PRRX2: variants seen among roughly 807,000 people sequenced by gnomAD.
The protein encoded by PRRX2 is paired related homeobox 2, also known as paired mesoderm homeobox protein 2.
A neutral mutation model predicts 18.0 loss-of-function variants in PRRX2; 11 were observed. The observed-to-expected ratio is 0.61, with a 90% confidence interval of 0.39 to 1.01. The LOEUF is 1.01. Among genes scored for constraint, PRRX2 ranks in the 50% least tolerant of loss-of-function variants. PRRX2 has a pLI of 0.01. For synonymous variants in PRRX2, 177 were observed against 154.8 expected, an observed-to-expected ratio of 1.14 and a Z score of -1.06; for missense variants, 387 against 351.0, an observed-to-expected ratio of 1.10 and a Z score of -0.82.
At chr9:129,696,236 G>A (rs1167243848) in intron 1 of PRRX2, among the ~76,000 whole-genome samples, 2 of 152,036 alleles carry the variant, frequency 1.3e-5, no homozygotes, top group African/African-American at 4.8e-5. Context: ...TTTTCAAAAC[G>A]AAAACAAGCC....
intron 1 of PRRX2, among the ~76,000 whole-genome samples, chr9:129,707,860 A>G (rs938027822): frequency 1.3e-5 from 2 of 151,776 alleles, no homozygotes; most frequent in African/African-American, 4.8e-5. Context: ...CACATGTTTC[A>G]TTTCTCCTGC....
At chr9:129,700,593 G>T (rs540255140) in intron 1 of PRRX2, among the ~76,000 whole-genome samples, 5 of 151,578 alleles carry the variant, frequency 3.3e-5, no homozygotes, top group Non-Finnish European at 7.4e-5. Context: ...GCCTCCCAAA[G>T]TGCTGGGATT....
chr9:129,678,207 G>A (rs113620474), intron 1 of PRRX2, among the ~76,000 whole-genome samples: 27 of 151,988 alleles, frequency 1.8e-4, no homozygotes, highest in Middle Eastern at 3.2e-3. Flanking sequence ...CAGGTGATCC[G>A]CCTGCCTCGA....
intron 1 of PRRX2, among the ~76,000 whole-genome samples, chr9:129,710,863 T>C (rs1832609639): frequency 6.6e-6 from 1 of 151,986 alleles, no homozygotes; most frequent in Non-Finnish European, 1.5e-5. Flanking sequence ...CCAGGGACCA[T>C]GTTTCTTCTC....
intron 1 of PRRX2, among the ~76,000 whole-genome samples, chr9:129,684,573 G>A (rs1322718550): frequency 1.3e-5 from 2 of 149,702 alleles, no homozygotes; most frequent in Admixed American, 1.3e-4. Flanking sequence ...AAAAAGTCTC[G>A]CTGTGCCATG....
chr9:129,695,388 C>T lies in PRRX2; in HGVS notation c.260-23843C>T, dbSNP rs73670177. Among the ~76,000 whole-genome samples, 233 of 152,350 alleles carry T rather than the reference C, an allele frequency of 1.5e-3. No homozygotes were observed. The highest frequency in any genetic ancestry group is 5.3e-3 in the African/African-American group (220 of 41,584). ...ACTGTCTTTTCAAAGAGAGAGGCTGCGGAAATGGCAGATGCTTGAAGAATC... is the reference window on the plus strand; with the variant it reads ...ACTGTCTTTTCAAAGAGAGAGGCTGTGGAAATGGCAGATGCTTGAAGAATC... On this transcript the variant is annotated intron_variant, in intron 1 of 3. Transcript: ENST00000372469. This position sits in a 1 kb window ranked among gnomAD's most constrained non-coding sequence, Gnocchi z 4.8.
At chr9:129,721,756 T>C (rs550860433) in intron 3 of PRRX2, among the ~76,000 whole-genome samples, 1 of 152,268 alleles carries the variant, frequency 6.6e-6, no homozygotes, top group South Asian at 2.1e-4. Context: ...ATTGTTTGTA[T>C]TTTTAGTAGA....
intron 1 of PRRX2, among the ~76,000 whole-genome samples, chr9:129,702,613 G>C (rs542045004): frequency 6.6e-6 from 1 of 152,302 alleles, no homozygotes; most frequent in African/African-American, 2.4e-5. Context: ...CACGTTGGAC[G>C]GTACAGAGCT....
intron 1 of PRRX2, among the ~76,000 whole-genome samples, chr9:129,716,694 A>T (rs1179088682): frequency 1.3e-5 from 2 of 152,034 alleles, no homozygotes; most frequent in Admixed American, 6.6e-5. Context: ...ACCTCAGGTG[A>T]TCCACCTGCC....
At chr9:129,683,701 C>T (rs1459622297) in intron 1 of PRRX2, among the ~76,000 whole-genome samples, 1 of 151,958 alleles carries the variant, frequency 6.6e-6, no homozygotes, top group Non-Finnish European at 1.5e-5. Flanking sequence ...CGCCACTGCA[C>T]TCCAGCATGG....
intron 1 of PRRX2, among the ~76,000 whole-genome samples, chr9:129,669,127 G>A (rs1029018245): frequency 2.0e-5 from 3 of 150,938 alleles, no homozygotes; most frequent in Non-Finnish European, 4.4e-5. Context: ...GAATTAATAC[G>A]TCTTCAATCT....
intron 1 of PRRX2, among the ~76,000 whole-genome samples, chr9:129,716,141 C>G (rs1266989318): frequency 1.3e-5 from 2 of 152,158 alleles, no homozygotes; most frequent in East Asian, 3.8e-4. Flanking sequence ...GGAATTTGGC[C>G]ACATCTAGCA....
rs903680872 is a variant in PRRX2 at position 129,697,489 on chromosome 9, A to C, written c.260-21742A>C. ...GGCAGGCGCCAGGGGCTCGTCTGGA[A>C]CCAGATGTGCCGCGGCGCCGCTCTG... On this transcript the variant is annotated intron_variant, in intron 1 of 3. Coordinates refer to ENST00000372469, the MANE Select transcript of PRRX2 (RefSeq NM_016307.4). Among the ~76,000 whole-genome samples the C allele has an allele frequency of 6.6e-5, 10 of 150,998 alleles. No homozygotes were observed. The East Asian group carries it at 2.0e-3, about 29-fold the overall frequency.
chr9:129,696,302 C>T (rs1365646876), intron 1 of PRRX2, among the ~76,000 whole-genome samples: 1 of 152,106 alleles, frequency 6.6e-6, no homozygotes, highest in African/African-American at 2.4e-5. Flanking sequence ...TGGCTGGGCA[C>T]GGTGGCTCAC....
At chr9:129,686,349 CTTTTG>C (rs1284818919) in intron 1 of PRRX2, among the ~76,000 whole-genome samples, 1 of 152,126 alleles carries the variant, frequency 6.6e-6, no homozygotes, top group Non-Finnish European at 1.5e-5. Context: ...GACCTCCTTA[CTTTTG>C]TTTTGTTTTT....
At chr9:129,710,138 T>C (rs1039824326) in intron 1 of PRRX2, among the ~76,000 whole-genome samples, 1 of 151,996 alleles carries the variant, frequency 6.6e-6, no homozygotes, top group Non-Finnish European at 1.5e-5. Flanking sequence ...GACCTGAAAG[T>C]GAGCAAGAGA....
Position 129,699,439 on chromosome 9 carries a change from ATGTGTGTGTGTGTG to A in PRRX2, c.260-19772_260-19759del, listed in dbSNP as rs3138854. On this transcript the variant is annotated intron_variant, in intron 1 of 3. Transcript: ENST00000372469. ...ACTCTGTCTCAAAAAAAATATATATATGTGTGTGTGTGTGTGTGTGTGTGTGTGTGTGTATACAT... is the reference window on the plus strand; with the variant it reads ...ACTCTGTCTCAAAAAAAATATATATATGTGTGTGTGTGTGTGTGTATACAT... Among the ~76,000 whole-genome samples the A allele has an allele frequency of 1.9e-3, 277 of 145,602 alleles. 1 individual carries two copies. Among genetic ancestry groups the A allele is most frequent in the Non-Finnish European group, 3.3e-3 (219 of 65,840 alleles).
chr9:129,666,984 G>A (rs891405248), intron 1 of PRRX2, among the ~76,000 whole-genome samples: 2 of 150,530 alleles, frequency 1.3e-5, no homozygotes, highest in Admixed American at 6.6e-5. Flanking sequence ...ACCCGCCCCG[G>A]GGGACCCTGT....
At position 129,715,498 on chromosome 9, in the gene PRRX2, G is replaced by A. The variant is rs1467080750; in HGVS notation, c.260-3733G>A. The stretch of plus-strand genomic sequence containing the variant: ...CCCAGCTACTTGGGAGGCTGAGGTG[G>A]GGGAATTGCTTGAGCCCAGGAGGTC... On this transcript the variant is annotated intron_variant, in intron 1 of 3. Coordinates refer to ENST00000372469, the MANE Select transcript of PRRX2 (RefSeq NM_016307.4). The surrounding 1 kb of genome is among the most constrained non-coding windows in gnomAD (Gnocchi z 4.0). 6.6e-6 allele frequency among the ~76,000 whole-genome samples: 1 copy of A among 152,164 alleles called. No homozygotes were observed. Among genetic ancestry groups the A allele is most frequent in the Non-Finnish European group, 1.5e-5 (1 of 68,030 alleles).
Sources: gnomAD v4.1 joint callset for allele counts (sites outside exome capture counted in the v4.1 genomes callset) on GRCh38, gnomAD v4.1.1 for gene constraint, Gnocchi (gnomAD v3.1) non-coding constraint, MANE v1.5 for transcripts, NCBI Gene and HGNC (gene_info 2026-07-23, HGNC 2026-07-21) for gene names.